The following CLPTM1L variants were observed in gnomAD, a reference collection of about 807,000 sequenced individuals.
CLPTM1L encodes CLPTM1 like.
A neutral mutation model predicts 70.9 loss-of-function variants in CLPTM1L; 38 were observed. The ratio of observed to expected loss-of-function variants is 0.54; its 90% CI spans 0.41 to 0.70. The LOEUF (loss-of-function observed/expected upper bound fraction) is 0.70, where lower values mean the gene tolerates loss of function less well. CLPTM1L is among the 30% of genes least tolerant of loss of function. The pLI is 0.00. For missense variants in CLPTM1L, 652 were observed against 705.9 expected, an observed-to-expected ratio of 0.92 and a Z score of 0.87; for synonymous variants, 339 against 299.9, an observed-to-expected ratio of 1.13 and a Z score of -1.35.
chr5:1,338,025 T>C, intron 4 of CLPTM1L, 43 bp from the exon 5 acceptor site: 1 of 1,509,190 alleles, frequency 6.6e-7, no homozygotes, highest in Non-Finnish European at 9.1e-7. Context: ...ACCAAGGCTT[T>C]TACCTTTCAA....
rs1356360723 is a variant in CLPTM1L at position 1,334,145 on chromosome 5, G to C, written c.891+144C>G. 5.2e-5 allele frequency: 30 copies of C among 577,638 alleles called. No individual in the cohort carries two copies. In the Admixed American group the frequency reaches 7.1e-4, roughly 14 times the overall value. 35.8% of individuals were successfully genotyped at this position (577,638 alleles called of 1,614,324 possible). On this transcript the variant is annotated intron_variant, in intron 7 of 16. Coordinates refer to ENST00000320895, the MANE Select transcript of CLPTM1L (RefSeq NM_030782.5). ...ATGGTCGCCTGGTGTCAGGCGTGCT[G>C]GCTGCTGAGTGATGGGAGTGGACAC... is the stretch of plus-strand genomic sequence containing the variant.
Position 1,318,417 on chromosome 5 carries a change from A to C in CLPTM1L, c.1569T>G (p.Phe523Leu). Residue 523 changes from phenylalanine (F) to leucine (L), a missense_variant, in exon 17 of 17, where the codon TTT becomes TTG. Around this residue, in one of 3 missense-constraint regions of CLPTM1L, gnomAD observed 240 missense variants for 295.0 expected, o/e 0.81. Transcript: ENST00000320895. The surrounding 1 kb of genome is among the most constrained non-coding windows in gnomAD (Gnocchi z 8.9). ...YPVDKRRVNEFGESYEEKATR... is the reference protein window; with the variant it reads ...YPVDKRRVNELGESYEEKATR... Reference sequence around the variant, plus strand: ...TGGCCTTCTCCTCGTAGGACTCCCCAAACTCGTTCACTCTGCGTTTATCCA... The same window carrying C: ...TGGCCTTCTCCTCGTAGGACTCCCCCAACTCGTTCACTCTGCGTTTATCCA... 6.2e-7 allele frequency: 1 copy of C among 1,613,884 alleles called. No individual in the cohort carries two copies.
At position 1,337,973 on chromosome 5, in the gene CLPTM1L, C is replaced by T; in HGVS notation, c.609G>A (p.Leu203=). 6.2e-7 allele frequency: 1 copy of T among 1,605,966 alleles called. No homozygotes were observed. The highest frequency in any genetic ancestry group is 8.5e-7 in the Non-Finnish European group (1 of 1,177,308). The change falls in exon 5 of 17, where the codon CTG becomes CTA. Residue 203 remains leucine, a synonymous_variant. Transcript: ENST00000320895. ...DVHRYMKMIQ[L]GKTVHYLPIL... is the part of the protein sequence containing the mutation. The stretch of plus-strand genomic sequence containing the variant: ...TGGGCAGGTAATGCACGGTTTTCCC[C>T]AGCTGGATCCTGGGATTAAAGCACA...
rs1412568618 is a variant in CLPTM1L at position 1,341,711 on chromosome 5, G to C, written c.413C>G (p.Pro138Arg). Residue 138 changes from proline to arginine, a missense_variant, in exon 3 of 17, where the codon CCA (proline) becomes CGA (arginine). By Grantham distance (103) the Pro-to-Arg change is moderately radical. Coordinates refer to ENST00000320895, the MANE Select transcript of CLPTM1L (RefSeq NM_030782.5). ...CCCGGTGAGCAGGTTGATTTCTTCTGGCTTGGGGACCATGTAGGTGGTCAG... is the reference window on the plus strand; with the variant it reads ...CCCGGTGAGCAGGTTGATTTCTTCTCGCTTGGGGACCATGTAGGTGGTCAG... ...SPLTTYMVPKPEEINLLTGES... is the reference protein window; with the variant it reads ...SPLTTYMVPKREEINLLTGES... 6.2e-7 allele frequency: 1 copy of C among 1,613,110 alleles called. No individual in the cohort carries two copies.
chr5:1,330,653 T>C, intron 8 of CLPTM1L: 2 of 481,382 alleles, frequency 4.2e-6, no homozygotes, highest in South Asian at 3.4e-5. Flanking sequence ...GCATGGAACG[T>C]GGGCAGAGGT....
chr5:1,341,632 AG>A, intron 3 of CLPTM1L, 38 bp downstream of exon 3: 1 of 1,530,338 alleles, frequency 6.5e-7, no homozygotes, highest in Non-Finnish European at 8.9e-7. Flanking sequence ...TCTGACGGAG[AG>A]GCACAGCCTG....
chr5:1,344,866 G>GGCCC lies in CLPTM1L; in HGVS notation c.-29_-26dup. The GGCCC allele has an allele frequency of 7.2e-7, 1 of 1,384,504 alleles. No homozygotes were observed. Among genetic ancestry groups the GGCCC allele is most frequent in the South Asian group, 1.5e-5 (1 of 66,734 alleles). 85.8% of individuals were successfully genotyped at this position (1,384,504 alleles called of 1,614,324 possible). ...TGGCGGCCCCGCGCCCGGCGCCCCC[G>GGCCC]GCCCGCCCGCCTCTCAGCCGCGAGC... On this transcript the variant is annotated 5_prime_UTR_variant, in exon 1 of 17. Coordinates refer to ENST00000320895, the MANE Select transcript of CLPTM1L (RefSeq NM_030782.5).
chr5:1,339,000 G>T lies in CLPTM1L; in HGVS notation c.459C>A (p.Ile153=), dbSNP rs199834712. ...LLTGESDTQQ[I]EAEKKPTSAL... is the part of the protein sequence containing the mutation. ...CACTCGTCGGCTTCTTCTCCGCCTC[G>T]ATCTGCTGTTAAGTGAGGAAAACAG... is the stretch of plus-strand genomic sequence containing the variant. The change falls in exon 4 of 17, where the codon ATC becomes ATA. Residue 153 remains isoleucine (I), a synonymous_variant. Coordinates refer to ENST00000320895, the MANE Select transcript of CLPTM1L (RefSeq NM_030782.5). The T allele has an allele frequency of 1.2e-6, 2 of 1,612,800 alleles. No individual in the cohort carries two copies. Among genetic ancestry groups the T allele is most frequent in the African/African-American group, 1.3e-5 (1 of 74,948 alleles).
At position 1,318,418 on chromosome 5, in the gene CLPTM1L, A is replaced by G. The variant is rs763725767; in HGVS notation, c.1568T>C (p.Phe523Ser). The G allele has an allele frequency of 3.7e-6, 6 of 1,613,860 alleles. No homozygotes were observed. The highest frequency in any genetic ancestry group is 4.5e-5 in the East Asian group (2 of 44,882). ...YPVDKRRVNEFGESYEEKATR... is the reference protein window; with the variant it reads ...YPVDKRRVNESGESYEEKATR... ...GGCCTTCTCCTCGTAGGACTCCCCA[A>G]ACTCGTTCACTCTGCGTTTATCCAC... Residue 523 changes from phenylalanine (F) to serine (S), a missense_variant, in exon 17 of 17, where the codon TTT becomes TCT. By Grantham distance (155) the Phe-to-Ser change is radical. This residue lies in a region of CLPTM1L where 240 missense variants were observed against 295.0 expected (regional missense o/e 0.81). Transcript: ENST00000320895. The surrounding 1 kb of genome is among the most constrained non-coding windows in gnomAD (Gnocchi z 8.9).
chr5:1,331,693 G>A (rs538224811), intron 8 of CLPTM1L, 106 bp downstream of exon 8: 150 of 945,462 alleles, frequency 1.6e-4, no homozygotes, highest in Middle Eastern at 1.4e-3. Context: ...GCACACACCC[G>A]GGGCTGTGTC....
At chr5:1,319,541 C>T (rs144711876) in intron 16 of CLPTM1L, among the ~76,000 whole-genome samples, 3 of 152,186 alleles carry the variant, frequency 2.0e-5, no homozygotes, top group Admixed American at 6.5e-5. Flanking sequence ...AGGGCGGGGA[C>T]GGGAGCACTG....
rs933214541 is a variant in CLPTM1L at position 1,318,822 on chromosome 5, C to A, written c.1533-369G>T. ...AACAGGAACCGCTGTGTTCAGGGAC[C>A]ACGTCTCATCAGCTGTGAACACTTG... On this transcript the variant is annotated intron_variant, in intron 16 of 16. Coordinates refer to ENST00000320895, the MANE Select transcript of CLPTM1L (RefSeq NM_030782.5). The surrounding 1 kb of genome is among the most constrained non-coding windows in gnomAD (Gnocchi z 8.9). Among the ~76,000 whole-genome samples the A allele has an allele frequency of 7.2e-5, 11 of 152,290 alleles. No homozygotes were observed. Among genetic ancestry groups the A allele is most frequent in the African/African-American group, 2.6e-4 (11 of 41,558 alleles).
chr5:1,324,105 A>G, intron 11 of CLPTM1L: 1 of 555,906 alleles, frequency 1.8e-6, no homozygotes, highest in Non-Finnish European at 3.2e-6. Context: ...GCTAGTTAAC[A>G]ATAATAGATC....
intron 16 of CLPTM1L, among the ~76,000 whole-genome samples, chr5:1,319,864 G>A (rs1323096431): frequency 2.6e-5 from 4 of 152,236 alleles, no homozygotes; most frequent in African/African-American, 9.6e-5. Context: ...GGCAGTGCTT[G>A]CAGTGGTCCA....
chr5:1,331,913 C>T, intron 7 of CLPTM1L, 30 bp from the exon 8 acceptor site: 1 of 1,562,446 alleles, frequency 6.4e-7, no homozygotes, highest in South Asian at 1.1e-5. Flanking sequence ...CAGCAACTCA[C>T]ATCTCCTGCT....
intron 15 of CLPTM1L, among the ~76,000 whole-genome samples, chr5:1,320,972 G>A (rs1189206649): frequency 2.0e-5 from 3 of 152,226 alleles, no homozygotes; most frequent in Non-Finnish European, 4.4e-5. Context: ...CTCCCACATC[G>A]GGGAACCCAA....
At chr5:1,338,086 A>C in intron 4 of CLPTM1L, 104 bp from the exon 5 acceptor site, 1 of 856,734 alleles carries the variant, frequency 1.2e-6, no homozygotes. Context: ...TGCCCCCAGC[A>C]CCACCCTCAA....
In CLPTM1L at chr5:1,335,058, G is replaced by C. The variant is rs564233947; in HGVS notation, c.795C>G (p.Phe265Leu). 2 of 1,612,270 alleles carry C rather than the reference G, an allele frequency of 1.2e-6. No individual in the cohort carries two copies. Among genetic ancestry groups the C allele is most frequent in the South Asian group, 2.2e-5 (2 of 91,056 alleles). Residue 265 changes from phenylalanine to leucine, a missense_variant and splice_region_variant, in exon 6 of 17, where the codon TTC becomes TTG. By Grantham distance (22) the Phe-to-Leu change is conservative. Transcript: ENST00000320895. Reference sequence around the variant, plus strand: ...GCGCCGGCCGTGTGCGGCACATACCGAACTGCTGCAGGGAGTACACGGCGT... The same window carrying C: ...GCGCCGGCCGTGTGCGGCACATACCCAACTGCTGCAGGGAGTACACGGCGT... ...MQDAVYSLQQ[F>L]GFSEKDADEV... is the part of the protein sequence containing the mutation.
In CLPTM1L at chr5:1,334,374, T is replaced by A. The variant is rs1406431432; in HGVS notation, c.806A>T (p.Glu269Val). 1 of 1,592,286 alleles carries A rather than the reference T, an allele frequency of 6.3e-7. No individual in the cohort carries two copies. Among genetic ancestry groups the A allele is most frequent in the Non-Finnish European group, 8.6e-7 (1 of 1,169,314 alleles). Residue 269 changes from glutamate (E) to valine (V), a missense_variant, in exon 7 of 17, where the codon GAG (glutamate) becomes GTG (valine). Coordinates refer to ENST00000320895, the MANE Select transcript of CLPTM1L (RefSeq NM_030782.5). Reference protein sequence around the residue: ...VYSLQQFGFSEKDADEVKGIF... With the variant: ...VYSLQQFGFSVKDADEVKGIF... ...TCCTTTCACCTCATCAGCATCTTTC[T>A]CTGAAAACCCTGTCAAGGAAAAAAA...
Sources: allele counts gnomAD v4.1 joint callset (sites outside exome capture counted in the v4.1 genomes callset), GRCh38; gene constraint gnomAD v4.1.1; regional missense constraint gnomAD v4.1.1; non-coding constraint Gnocchi (gnomAD v3.1); transcripts MANE v1.5; gene names NCBI Gene and HGNC (gene_info 2026-07-23, HGNC 2026-07-21).